DOK6: variants seen among roughly 807,000 people sequenced by gnomAD.
DOK6 encodes the protein docking protein 6, also known as downstream of tyrosine kinase 6.
A neutral mutation model predicts 44.0 loss-of-function variants in DOK6; 22 were observed. That is an observed-to-expected ratio of 0.50 (90% CI 0.36 to 0.71). The LOEUF is 0.71. Among genes scored for constraint, DOK6 ranks in the 30% least tolerant of loss-of-function variants. The probability of loss-of-function intolerance (pLI) is 0.00; values close to 1 mark genes in which losing one functional copy is unlikely to be tolerated. For synonymous variants in DOK6, 166 were observed against 145.5 expected (o/e 1.14, Z -1.01); for missense variants, 340 against 416.4 (o/e 0.82, Z 1.60).
At chr18:69,763,065 G>A (rs763396201) in intron 7 of DOK6, among the ~76,000 whole-genome samples, 15 of 151,856 alleles carry the variant, frequency 9.9e-5, no homozygotes, top group Non-Finnish European at 2.1e-4. Flanking sequence ...TCCATGCTAC[G>A]CCCAGAAGGG....
At chr18:69,507,220 G>T (rs1267875872) in intron 1 of DOK6, among the ~76,000 whole-genome samples, 1 of 151,914 alleles carries the variant, frequency 6.6e-6, no homozygotes, top group East Asian at 1.9e-4. Context: ...GTAGAGAGGG[G>T]GTTTCACCGT....
At chr18:69,548,792 T>A (rs1175902807) in intron 1 of DOK6, among the ~76,000 whole-genome samples, 1 of 151,626 alleles carries the variant, frequency 6.6e-6, no homozygotes, top group African/African-American at 2.4e-5. Context: ...AGCTTCAGTT[T>A]ACTTAAGAAT....
At chr18:69,725,856 TG>T (rs1420158763) in intron 5 of DOK6, among the ~76,000 whole-genome samples, 2 of 152,154 alleles carry the variant, frequency 1.3e-5, no homozygotes, top group African/African-American at 4.8e-5. Flanking sequence ...TGGAACAAAG[TG>T]TGCCTTGCAT....
At chr18:69,405,810 TAGTC>T (rs1916196417) in intron 1 of DOK6, among the ~76,000 whole-genome samples, 1 of 152,176 alleles carries the variant, frequency 6.6e-6, no homozygotes. Flanking sequence ...ATAAATAACT[TAGTC>T]ATTCTGACTA....
intron 7 of DOK6, among the ~76,000 whole-genome samples, chr18:69,791,753 TG>T (rs140459864): frequency 0.059 from 8,933 of 152,202 alleles, 288 homozygotes; most frequent in African/African-American, 0.087. Flanking sequence ...CTTTTTAACT[TG>T]ATGTGATCCC....
At chr18:69,587,252 A>G (rs1983524746) in intron 2 of DOK6, among the ~76,000 whole-genome samples, 1 of 152,074 alleles carries the variant, frequency 6.6e-6, no homozygotes, top group Non-Finnish European at 1.5e-5. Flanking sequence ...CTGCGGGGCC[A>G]CACTCTCCCA....
intron 1 of DOK6, among the ~76,000 whole-genome samples, chr18:69,485,217 T>C (rs770853303): frequency 6.6e-6 from 1 of 152,178 alleles, no homozygotes; most frequent in Admixed American, 6.5e-5. Context: ...GGATTCCCAG[T>C]GGTTCCATGG....
At chr18:69,825,598 T>C (rs1269185752) in intron 7 of DOK6, among the ~76,000 whole-genome samples, 1 of 151,898 alleles carries the variant, frequency 6.6e-6, no homozygotes. Flanking sequence ...CACGCCCGGC[T>C]AATTTTTTTG....
intron 4 of DOK6, among the ~76,000 whole-genome samples, chr18:69,697,338 A>G (rs1403487302): frequency 1.3e-5 from 2 of 152,188 alleles, no homozygotes; most frequent in Non-Finnish European, 2.9e-5. Context: ...TTAATTCAAC[A>G]GCACTGACTT....
At chr18:69,820,396 T>C (rs954244614) in intron 7 of DOK6, among the ~76,000 whole-genome samples, 3 of 152,230 alleles carry the variant, frequency 2.0e-5, no homozygotes, top group African/African-American at 7.2e-5. Flanking sequence ...CAAATAATTT[T>C]TCCTAGTAAT....
chr18:69,427,582 C>T (rs1978676159), intron 1 of DOK6, among the ~76,000 whole-genome samples: 1 of 152,158 alleles, frequency 6.6e-6, no homozygotes, highest in South Asian at 2.1e-4. Flanking sequence ...AAATACTATT[C>T]GGCCCAGCAA....
intron 1 of DOK6, among the ~76,000 whole-genome samples, chr18:69,474,661 G>A (rs920338047): frequency 1.3e-5 from 2 of 152,092 alleles, no homozygotes; most frequent in Non-Finnish European, 2.9e-5. Context: ...CACTCCTTGG[G>A]GAACTGCCAG....
At chr18:69,438,794 A>G (rs1979055149) in intron 1 of DOK6, among the ~76,000 whole-genome samples, 1 of 152,184 alleles carries the variant, frequency 6.6e-6, no homozygotes, top group African/African-American at 2.4e-5. Context: ...AATTATCACC[A>G]GGTATAATGG....
At chr18:69,486,509 C>G (rs1599154156) in intron 1 of DOK6, among the ~76,000 whole-genome samples, 1 of 152,162 alleles carries the variant, frequency 6.6e-6, no homozygotes, top group African/African-American at 2.4e-5. Context: ...AATCTGCCAT[C>G]CAGAATGGAG....
intron 3 of DOK6, among the ~76,000 whole-genome samples, chr18:69,611,802 T>C (rs76269052): frequency 0.022 from 3,386 of 152,250 alleles, 123 homozygotes; most frequent in African/African-American, 0.077. Flanking sequence ...GATTAGTAGT[T>C]GCCAAAAGTT....
intron 2 of DOK6, among the ~76,000 whole-genome samples, chr18:69,571,795 C>G (rs1302070181): frequency 6.6e-6 from 1 of 151,456 alleles, no homozygotes; most frequent in African/African-American, 2.4e-5. Context: ...GATTTTAACC[C>G]CCTCCCTTTC....
At chr18:69,788,887 G>A (rs1980510797) in intron 7 of DOK6, among the ~76,000 whole-genome samples, 1 of 152,086 alleles carries the variant, frequency 6.6e-6, no homozygotes, top group Non-Finnish European at 1.5e-5. Flanking sequence ...TAATGGAAAT[G>A]TTTTCCCGTA....
At chr18:69,527,993 C>T (rs1420704376) in intron 1 of DOK6, among the ~76,000 whole-genome samples, 1 of 151,856 alleles carries the variant, frequency 6.6e-6, no homozygotes, top group African/African-American at 2.4e-5. Flanking sequence ...GAAACCCTGT[C>T]TCTACTAAAA....
At chr18:69,419,938 A>G (rs964773121) in intron 1 of DOK6, among the ~76,000 whole-genome samples, 1 of 152,218 alleles carries the variant, frequency 6.6e-6, no homozygotes, top group Non-Finnish European at 1.5e-5. Context: ...AGCTTCAGCA[A>G]TATCAATTGA....
Sources: gnomAD v4.1 joint callset for allele counts (sites outside exome capture counted in the v4.1 genomes callset) on GRCh38, gnomAD v4.1.1 for gene constraint, MANE v1.5 for transcripts, NCBI Gene and HGNC (gene_info 2026-07-23, HGNC 2026-07-21) for gene names.